KLC1: variants seen among roughly 807,000 people sequenced by gnomAD.
KLC1 encodes the protein kinesin light chain 1, also known as kinesin 2 60/70kDa.
A neutral mutation model predicts 84.2 loss-of-function variants in KLC1; 30 were observed. That is an observed-to-expected ratio of 0.36 (90% CI 0.27 to 0.48). The LOEUF (loss-of-function observed/expected upper bound fraction) is 0.48. Among genes scored for constraint, KLC1 ranks in the 20% least tolerant of loss-of-function variants. The pLI, the probability that KLC1 is intolerant of heterozygous loss-of-function variation, is 0.99. For synonymous variants in KLC1, 289 were observed against 293.3 expected, an observed-to-expected ratio of 0.99 and a Z score of 0.15; for missense variants, 499 against 805.4, an observed-to-expected ratio of 0.62 and a Z score of 4.60.
At chr14:103,641,423 A>G (rs944318273) in intron 1 of KLC1, among the ~76,000 whole-genome samples, 4 of 152,086 alleles carry the variant, frequency 2.6e-5, no homozygotes, top group Non-Finnish European at 5.9e-5. Flanking sequence ...ACCACAGGCT[A>G]GTGACTCACG....
intron 14 of KLC1, among the ~76,000 whole-genome samples, chr14:103,689,456 A>G (rs2081966508): frequency 1.3e-5 from 2 of 152,360 alleles, no homozygotes; most frequent in South Asian, 2.1e-4. Context: ...CGTTTTCTAC[A>G]TGACTTTGGA....
chr14:103,659,137 C>A (rs1381594558), intron 3 of KLC1, among the ~76,000 whole-genome samples: 1 of 151,690 alleles, frequency 6.6e-6, no homozygotes, highest in Non-Finnish European at 1.5e-5. Context: ...ACCGCCACGA[C>A]TGGCTAATTT....
At chr14:103,699,510 C>T (rs751118907) in intron 15 of KLC1, 5 of 1,613,144 alleles carry the variant, frequency 3.1e-6, no homozygotes, top group Non-Finnish European at 4.2e-6. Context: ...TCGATGACCA[C>T]CAGGCGAGCC....
chr14:103,647,728 T>C (rs1017202544), intron 1 of KLC1, among the ~76,000 whole-genome samples: 1 of 151,452 alleles, frequency 6.6e-6, no homozygotes, highest in Non-Finnish European at 1.5e-5. Flanking sequence ...ATACAAAAAT[T>C]AGCTGAGCAT....
chr14:103,640,834 A>G (rs553999113), intron 1 of KLC1, among the ~76,000 whole-genome samples: 6 of 152,330 alleles, frequency 3.9e-5, no homozygotes, highest in Admixed American at 3.9e-4. Context: ...CATACTTTGC[A>G]TCCAATTTCC....
Position 103,693,788 on chromosome 14 carries a change from C to G in KLC1, c.1848+1363C>G. The G allele has an allele frequency of 7.1e-7, 1 of 1,416,276 alleles. No homozygotes were observed. The allele number at this position is 1,416,276 out of a possible 1,614,324, so 87.7% of individuals were successfully genotyped here. A position where few individuals can be genotyped will look rare whatever the true frequency, so the allele number is the denominator to read the frequency against. ...TTTCAAAACACCCGGGAGGCCGTGC[C>G]TCAGCATTCTGTTACTCGGCCTGCA... is the stretch of plus-strand genomic sequence containing the variant. On this transcript the variant is annotated intron_variant, in intron 15 of 16. Transcript: ENST00000334553. The surrounding 1 kb of genome is among the most constrained non-coding windows in gnomAD (Gnocchi z 5.1).
chr14:103,681,462 C>T (rs2151777131), intron 13 of KLC1, among the ~76,000 whole-genome samples: 1 of 152,184 alleles, frequency 6.6e-6, no homozygotes, highest in African/African-American at 2.4e-5. Context: ...TTTCAAAGTA[C>T]ACTTTTTCCC....
At chr14:103,689,646 A>C (rs957794467) in intron 14 of KLC1, among the ~76,000 whole-genome samples, 7 of 152,130 alleles carry the variant, frequency 4.6e-5, no homozygotes, top group Non-Finnish European at 8.8e-5. Context: ...CATTTCACAC[A>C]AGTTCCCACA....
In KLC1 at chr14:103,693,089, G is replaced by A. The variant is rs2082213687; in HGVS notation, c.1848+664G>A. Among the ~76,000 whole-genome samples the A allele has an allele frequency of 6.6e-6, 1 of 152,248 alleles. No homozygotes were observed. Among genetic ancestry groups the A allele is most frequent in the African/African-American group, 2.4e-5 (1 of 41,472 alleles). On this transcript the variant is annotated intron_variant, in intron 15 of 16. Coordinates refer to ENST00000334553, the MANE Select transcript of KLC1 (RefSeq NM_001394837.1). The surrounding 1 kb of genome is among the most constrained non-coding windows in gnomAD (Gnocchi z 5.1). ...GCCTGGGGCCCACCCGGCAGCTCGA[G>A]CTGTTGGGACTTGGCAGTCCCTGCC...
intron 15 of KLC1, chr14:103,699,230 G>T: frequency 6.5e-7 from 1 of 1,543,180 alleles, no homozygotes; most frequent in Non-Finnish European, 8.7e-7. Context: ...TCTTCTCGAT[G>T]GTTAGGCACA....
intron 1 of KLC1, among the ~76,000 whole-genome samples, chr14:103,638,858 G>A (rs1053470932): frequency 1.3e-5 from 2 of 151,780 alleles, no homozygotes; most frequent in African/African-American, 4.8e-5. Context: ...GAGCACAGTG[G>A]TGCATATGTA....
chr14:103,665,408 T>G lies in KLC1; in HGVS notation c.797+2481T>G, dbSNP rs746234492. Among the ~76,000 whole-genome samples the G allele has an allele frequency of 4.6e-4, 70 of 152,098 alleles. 1 individual carries two copies. The highest frequency in any genetic ancestry group is 1.6e-3 in the African/African-American group (68 of 41,490). On this transcript the variant is annotated intron_variant, in intron 5 of 16. Transcript: ENST00000334553. ...TTTCTTTCTGTCTGTCTGTCTGTCT[T>G]TCTGTCTTGTCTTGTCTTGTCCTGT...
At chr14:103,658,432 T>G (rs925333205) in intron 3 of KLC1, among the ~76,000 whole-genome samples, 12 of 141,406 alleles carry the variant, frequency 8.5e-5, no homozygotes, top group African/African-American at 2.4e-4. Context: ...AGCTAAGTTT[T>G]TTTTTTTTTT....
At chr14:103,641,600 A>G (rs947559192) in intron 1 of KLC1, among the ~76,000 whole-genome samples, 2 of 151,962 alleles carry the variant, frequency 1.3e-5, no homozygotes, top group African/African-American at 4.8e-5. Context: ...AAAATTTAAT[A>G]ATAATTATTT....
intron 13 of KLC1, chr14:103,685,156 A>C: frequency 6.8e-7 from 1 of 1,464,112 alleles, no homozygotes; most frequent in South Asian, 1.4e-5. Context: ...TTTCTTTTGG[A>C]TTATCAACTG....
chr14:103,694,479 A>T lies in KLC1; in HGVS notation c.1848+2054A>T, dbSNP rs185111642. On this transcript the variant is annotated intron_variant, in intron 15 of 16. Transcript: ENST00000334553. The surrounding 1 kb of genome is among the most constrained non-coding windows in gnomAD (Gnocchi z 4.5). Reference sequence around the variant, plus strand: ...TTCACTTTTTAAAAGCTTAAGCTTTATGGAATGAGGGAGCACGGTGGACTC... The same window carrying T: ...TTCACTTTTTAAAAGCTTAAGCTTTTTGGAATGAGGGAGCACGGTGGACTC... 1.0e-6 allele frequency: 1 copy of T among 985,528 alleles called. No homozygotes were observed. The highest frequency in any genetic ancestry group is 1.1e-4 in the East Asian group (1 of 8,822). The allele number at this position is 985,528 out of a possible 1,614,324, so 61.0% of individuals were successfully genotyped here. A position where few individuals can be genotyped will look rare whatever the true frequency, so the allele number is the denominator to read the frequency against.
At chr14:103,636,276 C>G (rs928611803) in intron 1 of KLC1, among the ~76,000 whole-genome samples, 1 of 152,102 alleles carries the variant, frequency 6.6e-6, no homozygotes. Context: ...GGCTGGAGTG[C>G]AGTGGCACGA....
At chr14:103,630,814 G>A (rs1371401084) in intron 1 of KLC1, among the ~76,000 whole-genome samples, 1 of 152,216 alleles carries the variant, frequency 6.6e-6, no homozygotes, top group Non-Finnish European at 1.5e-5. Flanking sequence ...ACTCTAAAGA[G>A]CCAGTGTCTC....
intron 7 of KLC1, among the ~76,000 whole-genome samples, chr14:103,672,386 A>G (rs2080470800): frequency 6.6e-6 from 1 of 152,234 alleles, no homozygotes; most frequent in South Asian, 2.1e-4. Flanking sequence ...TGCGGAGATT[A>G]CATTGGTGAA....
Sources: allele counts gnomAD v4.1 joint callset (sites outside exome capture counted in the v4.1 genomes callset), GRCh38; gene constraint gnomAD v4.1.1; non-coding constraint Gnocchi (gnomAD v3.1); transcripts MANE v1.5; gene names NCBI Gene and HGNC (gene_info 2026-07-23, HGNC 2026-07-21).